Variants in FAM168A observed in about 807,000 individuals in gnomAD.
FAM168A encodes the protein protein FAM168A.
Under a neutral mutation model 28.5 loss-of-function variants are expected in FAM168A, and 3 were observed. That is an observed-to-expected ratio of 0.11 (90% CI 0.05 to 0.27). The LOEUF (loss-of-function observed/expected upper bound fraction) is 0.27, where lower values mean the gene tolerates loss of function less well. Among genes scored for constraint, FAM168A ranks in the 10% least tolerant of loss-of-function variants. FAM168A has a pLI of 1.00. For synonymous variants in FAM168A, 122 were observed against 124.2 expected (o/e 0.98, Z 0.12); for missense variants, 222 against 311.5 (o/e 0.71, Z 2.16).
At chr11:73,522,437 C>T (rs1053304805) in intron 1 of FAM168A, among the ~76,000 whole-genome samples, 4 of 151,964 alleles carry the variant, frequency 2.6e-5, no homozygotes, top group Admixed American at 6.5e-5. Flanking sequence ...CCCAGGTTCA[C>T]GCCATTCTCC....
At position 73,400,518 on chromosome 11, in the gene FAM168A, T is replaced by C. The variant is rs1335189202; in HGVS notation, c.*6245A>G. On this transcript the variant is annotated 3_prime_UTR_variant, in exon 8 of 8. Coordinates refer to ENST00000356467, the MANE Select transcript of FAM168A (RefSeq NM_015159.3). ...ATAGATGTCAGCTTTATTGCGCGGA[T>C]GGCTCAATGGATTTCAACTCTGAAT... 6.6e-6 allele frequency: 1 copy of C among 152,226 alleles called. No homozygotes were observed. The highest frequency in any genetic ancestry group is 2.4e-5 in the African/African-American group (1 of 41,460). 9.4% of individuals were successfully genotyped at this position (152,226 alleles called of 1,614,324 possible).
intron 2 of FAM168A, among the ~76,000 whole-genome samples, chr11:73,464,694 T>A (rs980370890): frequency 1.3e-5 from 2 of 152,226 alleles, no homozygotes; most frequent in Non-Finnish European, 2.9e-5. Flanking sequence ...TTATACTCCA[T>A]CTTTTCACCT....
chr11:73,439,668 G>A (rs1252042659), intron 2 of FAM168A, among the ~76,000 whole-genome samples: 2 of 152,046 alleles, frequency 1.3e-5, no homozygotes, highest in Admixed American at 1.3e-4. Flanking sequence ...ATGGGAAGCA[G>A]ATGGCCTATT....
intron 1 of FAM168A, among the ~76,000 whole-genome samples, chr11:73,544,921 ATAAT>A (rs1335323241): frequency 1.1e-5 from 1 of 92,936 alleles, no homozygotes; most frequent in East Asian, 2.5e-4. Flanking sequence ...TATATTATAT[ATAAT>A]ATAAAATATA....
intron 1 of FAM168A, among the ~76,000 whole-genome samples, chr11:73,538,814 A>C (rs1282761300): frequency 1.3e-5 from 2 of 152,160 alleles, no homozygotes; most frequent in Non-Finnish European, 2.9e-5. Flanking sequence ...AGCGTCCCCA[A>C]ATCACCTTGT....
chr11:73,486,363 C>G (rs921367878), intron 1 of FAM168A, among the ~76,000 whole-genome samples: 3 of 152,152 alleles, frequency 2.0e-5, no homozygotes, highest in Non-Finnish European at 2.9e-5. Context: ...ACTAACTCCC[C>G]ATTCTCCTCT....
chr11:73,480,638 C>T lies in FAM168A; in HGVS notation c.-18-12146G>A, dbSNP rs183121505. Among the ~76,000 whole-genome samples, 7 of 152,240 alleles carry T rather than the reference C, an allele frequency of 4.6e-5. No homozygotes were observed. The East Asian group carries it at 1.3e-3, about 29-fold the overall frequency. On this transcript the variant is annotated intron_variant, in intron 1 of 7. Coordinates refer to ENST00000356467, the MANE Select transcript of FAM168A (RefSeq NM_015159.3). Reference sequence around the variant, plus strand: ...TGGTAGAAGGGTCAAGAAGAGCTTTCACAGTATAGCACTTTTATAGCTTAT... The same window carrying T: ...TGGTAGAAGGGTCAAGAAGAGCTTTTACAGTATAGCACTTTTATAGCTTAT...
At chr11:73,543,286 T>G (rs1943680836) in intron 1 of FAM168A, among the ~76,000 whole-genome samples, 1 of 136,442 alleles carries the variant, frequency 7.3e-6, no homozygotes, top group African/African-American at 2.9e-5. Context: ...TTTTTTTTGA[T>G]GGAGTCTTGC....
At position 73,420,034 on chromosome 11, in the gene FAM168A, A is replaced by C. The variant is rs377731671; in HGVS notation, c.152-35T>G. 7.5e-6 allele frequency: 12 copies of C among 1,609,468 alleles called. No individual in the cohort carries two copies. The African/African-American group carries it at 1.1e-4, about 14-fold the overall frequency. On this transcript the variant is annotated intron_variant, in intron 3 of 7. Transcript: ENST00000356467. Reference sequence around the variant, plus strand: ...AGACACAAGAATGGCATTAGACAGAAATAAGAAGTGGCCACCACCAATCAC... The same window carrying C: ...AGACACAAGAATGGCATTAGACAGACATAAGAAGTGGCCACCACCAATCAC...
At chr11:73,554,061 T>C (rs888559329) in intron 1 of FAM168A, among the ~76,000 whole-genome samples, 7 of 150,698 alleles carry the variant, frequency 4.6e-5, no homozygotes, top group Admixed American at 2.0e-4. Context: ...TTCCTATTTA[T>C]CCTAAGAAAA....
chr11:73,535,129 C>T (rs1943561269), intron 1 of FAM168A, among the ~76,000 whole-genome samples: 1 of 152,168 alleles, frequency 6.6e-6, no homozygotes, highest in Admixed American at 6.5e-5. Flanking sequence ...GAAGTCCACA[C>T]TCAGTAAGCC....
intron 2 of FAM168A, among the ~76,000 whole-genome samples, chr11:73,460,123 G>A (rs560436992): frequency 1.3e-5 from 2 of 151,842 alleles, no homozygotes; most frequent in Non-Finnish European, 2.9e-5. Flanking sequence ...CTCGTGATCC[G>A]CCCACCTCGG....
chr11:73,501,878 G>C (rs1407730829), intron 1 of FAM168A, among the ~76,000 whole-genome samples: 1 of 152,146 alleles, frequency 6.6e-6, no homozygotes, highest in Non-Finnish European at 1.5e-5. Context: ...AAGGCGGGCA[G>C]ATCACAAGGT....
chr11:73,423,897 T>C (rs538119118), intron 3 of FAM168A, among the ~76,000 whole-genome samples: 1 of 152,356 alleles, frequency 6.6e-6, no homozygotes, highest in African/African-American at 2.4e-5. Flanking sequence ...ATCCGTATTC[T>C]TTATGCAGAT....
intron 1 of FAM168A, among the ~76,000 whole-genome samples, chr11:73,570,945 A>G (rs1944079054): frequency 6.6e-6 from 1 of 152,132 alleles, no homozygotes; most frequent in Non-Finnish European, 1.5e-5. Flanking sequence ...AAGAACAGAG[A>G]AGAAAGATGC....
chr11:73,525,809 C>T (rs560517839), intron 1 of FAM168A, among the ~76,000 whole-genome samples: 1 of 152,300 alleles, frequency 6.6e-6, no homozygotes, highest in Non-Finnish European at 1.5e-5. Context: ...CTCCTATCTT[C>T]TTAGCCCTTG....
At chr11:73,555,824 C>T (rs1234641258) in intron 1 of FAM168A, among the ~76,000 whole-genome samples, 1 of 152,172 alleles carries the variant, frequency 6.6e-6, no homozygotes, top group Non-Finnish European at 1.5e-5. Flanking sequence ...CCTGGCAAGG[C>T]TTCCAAAGAG....
At chr11:73,538,752 T>C (rs1156693339) in intron 1 of FAM168A, among the ~76,000 whole-genome samples, 1 of 152,142 alleles carries the variant, frequency 6.6e-6, no homozygotes, top group Non-Finnish European at 1.5e-5. Context: ...AAACCAAGCT[T>C]CTCTGAGGTG....
In FAM168A at chr11:73,400,876, C is replaced by T. The variant is rs892483211; in HGVS notation, c.*5887G>A. On this transcript the variant is annotated 3_prime_UTR_variant, in exon 8 of 8. Coordinates refer to ENST00000356467, the MANE Select transcript of FAM168A (RefSeq NM_015159.3). ...AAATACCATAGTTACAAATTCTTGG[C>T]TTCAATCTTTCAGAGTGATCACTGT... 2 of 151,578 alleles carry T rather than the reference C, an allele frequency of 1.3e-5. No individual in the cohort carries two copies. Among genetic ancestry groups the T allele is most frequent in the African/African-American group, 4.9e-5 (2 of 41,000 alleles). The allele number at this position is 151,578 out of a possible 1,614,324, so 9.4% of individuals were successfully genotyped here.
Sources: gnomAD v4.1 joint callset for allele counts (sites outside exome capture counted in the v4.1 genomes callset) on GRCh38, gnomAD v4.1.1 for gene constraint, MANE v1.5 for transcripts, NCBI Gene and HGNC (gene_info 2026-07-23, HGNC 2026-07-21) for gene names.